The following CCDC57 variants were observed in gnomAD, a reference collection of about 807,000 sequenced individuals.
CCDC57 encodes coiled-coil domain containing 57, also known as coiled-coil domain-containing protein 57.
A neutral mutation model predicts 118.9 loss-of-function variants in CCDC57; 118 were observed. The observed-to-expected ratio is 0.99, with a 90% confidence interval of 0.86 to 1.16. The LOEUF is 1.16. CCDC57 is among the 50% of genes most tolerant of loss of function. The probability of loss-of-function intolerance (pLI) is 0.00; values close to 1 mark genes in which losing one functional copy is unlikely to be tolerated. For missense variants in CCDC57, 1,300 were observed against 1,320.7 expected (o/e 0.98, Z 0.24); for synonymous variants, 527 against 532.9 (o/e 0.99, Z 0.15).
chr17:82,105,637 G>A (rs972244576), intron 19 of CCDC57, among the ~76,000 whole-genome samples: 2 of 152,140 alleles, frequency 1.3e-5, no homozygotes, highest in Non-Finnish European at 2.9e-5. Context: ...GCTCAGCCCT[G>A]GGGGGTCACC....
intron 19 of CCDC57, among the ~76,000 whole-genome samples, chr17:82,103,010 C>G (rs2034571739): frequency 6.6e-6 from 1 of 152,242 alleles, no homozygotes; most frequent in Non-Finnish European, 1.5e-5. Flanking sequence ...GCCCAGTGGG[C>G]AGTCTGGACA....
chr17:82,177,106 G>A (rs533273251), intron 11 of CCDC57, among the ~76,000 whole-genome samples: 7 of 152,116 alleles, frequency 4.6e-5, no homozygotes, highest in Non-Finnish European at 7.4e-5. Flanking sequence ...TTAGCCGGGC[G>A]TGGTGGCTCA....
intron 19 of CCDC57, among the ~76,000 whole-genome samples, chr17:82,117,783 C>A (rs981956811): frequency 7.2e-6 from 1 of 139,620 alleles, no homozygotes; most frequent in African/African-American, 2.6e-5. Flanking sequence ...CTAAATCCAC[C>A]AATACTGAGT....
In CCDC57 at chr17:82,153,300, A is replaced by G. The variant is rs541615049; in HGVS notation, c.2242-1527T>C. 2.0e-5 allele frequency: 3 copies of G among 152,326 alleles called. No individual in the cohort carries two copies. In the East Asian group the frequency reaches 5.8e-4, roughly 29 times the overall value. 9.4% of individuals were successfully genotyped at this position (152,326 alleles called of 1,614,324 possible). A position where few individuals can be genotyped will look rare whatever the true frequency, so the allele number is the denominator to read the frequency against. ...AAAACCCTGGATCCTCTACAGGAAC[A>G]CACTGGGTTATTTTGTTATTTTAAC... is the stretch of plus-strand genomic sequence containing the variant. On this transcript the variant is annotated intron_variant, in intron 15 of 19. Transcript: ENST00000665763.
exon 14 of CCDC57, chr17:82,163,265 C>T: frequency 1.2e-6 from 2 of 1,614,048 alleles, no homozygotes; most frequent in Non-Finnish European, 1.7e-6. Context: ...TTCCTGAGTG[C>T]CAGTCCAGAG....
At chr17:82,190,307 T>C (rs926475136) in intron 7 of CCDC57, among the ~76,000 whole-genome samples, 1 of 152,220 alleles carries the variant, frequency 6.6e-6, no homozygotes. Context: ...AATAACACCA[T>C]GGGACCTATG....
chr17:82,136,521 G>A (rs2039196201), intron 16 of CCDC57, among the ~76,000 whole-genome samples: 1 of 148,046 alleles, frequency 6.8e-6, no homozygotes, highest in Non-Finnish European at 1.5e-5. Flanking sequence ...TTAATGCACT[G>A]AACTGTATAC....
At chr17:82,143,450 G>A (rs1177320988) in intron 16 of CCDC57, among the ~76,000 whole-genome samples, 1 of 150,938 alleles carries the variant, frequency 6.6e-6, no homozygotes, top group Non-Finnish European at 1.5e-5. Context: ...GGAAACCCCT[G>A]GAAAGGGGGA....
rs569300473 is a variant in CCDC57 at position 82,158,282 on chromosome 17, G to C, written c.2041-334C>G. ...GGGAGAAACAAAGGCCTCCAGAATT[G>C]CAAGTAACCGGTAGGAGGTGTTGAT... On this transcript the variant is annotated intron_variant, in intron 14 of 19. Transcript: ENST00000665763. 1.1e-4 allele frequency among the ~76,000 whole-genome samples: 17 copies of C among 152,314 alleles called. No homozygotes were observed. The South Asian group carries it at 3.5e-3, about 32-fold the overall frequency.
exon 16 of CCDC57, chr17:82,151,653 C>T: frequency 6.4e-7 from 1 of 1,550,402 alleles, no homozygotes; most frequent in South Asian, 1.2e-5. Flanking sequence ...CTGGCTGCCT[C>T]CTTCAGCTTT....
chr17:82,203,255 C>G lies in CCDC57; in HGVS notation c.-8-1303G>C, dbSNP rs111555049. 8.1e-3 allele frequency among the ~76,000 whole-genome samples: 1,230 copies of G among 152,268 alleles called. 7 individuals carry two copies. Among genetic ancestry groups the G allele is most frequent in the Non-Finnish European group, 0.012 (816 of 68,030 alleles). On this transcript the variant is annotated intron_variant, in intron 2 of 19. Coordinates refer to ENST00000665763, the Ensembl canonical transcript of CCDC57. ...GTGCCTGCTCCTCTTTCACCTTCCG[C>G]CATGAGTAAAAGTTTCCTGAGGCCT...
chr17:82,119,511 G>T (rs942129628), intron 19 of CCDC57, among the ~76,000 whole-genome samples: 10 of 151,970 alleles, frequency 6.6e-5, no homozygotes, highest in Non-Finnish European at 1.3e-4. Flanking sequence ...GAAGCAGACC[G>T]ATAGAATCAA....
chr17:82,129,408 C>T (rs1357711503), intron 17 of CCDC57, among the ~76,000 whole-genome samples: 1 of 152,186 alleles, frequency 6.6e-6, no homozygotes, highest in African/African-American at 2.4e-5. Flanking sequence ...TGTACAGAGC[C>T]ATGGACAATA....
chr17:82,174,935 G>A (rs2045277819), intron 11 of CCDC57, among the ~76,000 whole-genome samples: 1 of 152,194 alleles, frequency 6.6e-6, no homozygotes, highest in Non-Finnish European at 1.5e-5. Context: ...TTGGCTGCCG[G>A]CTTAAATAAA....
intron 2 of CCDC57, chr17:82,207,474 TTTTGCAGAC>T (rs2049809306): frequency 6.6e-6 from 1 of 152,198 alleles, no homozygotes; most frequent in South Asian, 2.1e-4. Context: ...GCTTGAGATA[TTTTGCAGAC>T]CCTGCACTCC....
chr17:82,114,802 C>A (rs1392505891), intron 19 of CCDC57, among the ~76,000 whole-genome samples: 1 of 152,242 alleles, frequency 6.6e-6, no homozygotes, highest in East Asian at 1.9e-4. Context: ...AGGAGTGTGC[C>A]ATGATTTGGC....
rs763151728 is a variant in CCDC57 at position 82,178,608 on chromosome 17, G to A, written c.1375-3C>T. On this transcript the variant is annotated splice_region_variant and splice_polypyrimidine_tract_variant and intron_variant, in intron 10 of 19. Coordinates refer to ENST00000665763, the Ensembl canonical transcript of CCDC57. ...GTCTCCTGCAGCTTGGCAGCAACCT[G>A]GGAAAAACGCTGGGACTCAGTCCCT... 1.2e-6 allele frequency: 2 copies of A among 1,611,000 alleles called. No individual in the cohort carries two copies. The highest frequency in any genetic ancestry group is 1.1e-5 in the South Asian group (1 of 91,040).
rs1365585079 is a variant in CCDC57, at chr17:82,137,548, T to A, written c.2456-3354A>T. Among the ~76,000 whole-genome samples, 3 of 152,224 alleles carry A rather than the reference T, an allele frequency of 2.0e-5. No individual in the cohort carries two copies. In the East Asian group the frequency reaches 5.8e-4, roughly 29 times the overall value. On this transcript the variant is annotated intron_variant, in intron 16 of 19. Transcript: ENST00000665763. ...CCTATGTTTAAGCTTTTTGTCACTT[T>A]CACGTGGGTAGCTAAATATTATTTC... is the stretch of plus-strand genomic sequence containing the variant.
rs151063634 is a variant in CCDC57 at position 82,120,536 on chromosome 17, C to A, written c.2899+7156G>T. Among the ~76,000 whole-genome samples, 545 of 152,318 alleles carry A rather than the reference C, an allele frequency of 3.6e-3. 4 individuals carry two copies. The highest frequency in any genetic ancestry group is 0.012 in the African/African-American group (519 of 41,562). ...TAAGTGGCACCCCTTACTTCACCAA[C>A]GCAGTTTCCAAGGTTTTAAGGAAAG... On this transcript the variant is annotated intron_variant, in intron 19 of 19. Coordinates refer to ENST00000665763, the Ensembl canonical transcript of CCDC57.
Sources: allele counts gnomAD v4.1 joint callset (sites outside exome capture counted in the v4.1 genomes callset), GRCh38; gene constraint gnomAD v4.1.1; transcripts MANE v1.5; gene names NCBI Gene and HGNC (gene_info 2026-07-23, HGNC 2026-07-21).